The following DTNBP1 variants were observed in gnomAD, a reference collection of about 807,000 sequenced individuals.
The protein encoded by DTNBP1 is dysbindin.
In DTNBP1, 35 loss-of-function variants were observed where a neutral mutation model predicts 42.8. That is an observed-to-expected ratio of 0.82 (90% CI 0.63 to 1.09). The LOEUF is 1.09. Ranked by LOEUF, DTNBP1 falls within the 50% of genes least tolerant of loss-of-function variation. DTNBP1 has a pLI of 0.00. For missense variants in DTNBP1, 457 were observed against 424.2 expected (o/e 1.08, Z -0.68); for synonymous variants, 171 against 162.2 (o/e 1.05, Z -0.41).
chr6:15,563,926 T>C (rs769674352), intron 7 of DTNBP1, among the ~76,000 whole-genome samples: 7 of 151,974 alleles, frequency 4.6e-5, no homozygotes, highest in Non-Finnish European at 1.0e-4. Flanking sequence ...ATACAAAAAT[T>C]AGCCAGGTGT....
chr6:15,618,647 C>T (rs1266066868), intron 5 of DTNBP1, among the ~76,000 whole-genome samples: 1 of 151,978 alleles, frequency 6.6e-6, no homozygotes, highest in Admixed American at 6.5e-5. Flanking sequence ...AGTATAACCA[C>T]TATGGAAAAC....
intron 7 of DTNBP1, among the ~76,000 whole-genome samples, chr6:15,554,775 G>A (rs1359683506): frequency 1.3e-5 from 2 of 152,206 alleles, no homozygotes; most frequent in Non-Finnish European, 2.9e-5. Flanking sequence ...GCATTAGCAA[G>A]ATCCAAGGGT....
chr6:15,581,264 C>G (rs1382507436), intron 7 of DTNBP1, among the ~76,000 whole-genome samples: 2 of 152,210 alleles, frequency 1.3e-5, no homozygotes, highest in Non-Finnish European at 2.9e-5. Context: ...TCTGCAACCT[C>G]TGCCACCCAG....
intron 6 of DTNBP1, among the ~76,000 whole-genome samples, chr6:15,595,805 A>C (rs917433097): frequency 1.2e-4 from 18 of 152,220 alleles, no homozygotes; most frequent in African/African-American, 4.3e-4. Context: ...GAACAGCAAT[A>C]CTTCAGCAAG....
chr6:15,612,737 A>G (rs2113692696), intron 6 of DTNBP1, among the ~76,000 whole-genome samples: 1 of 152,226 alleles, frequency 6.6e-6, no homozygotes, highest in Non-Finnish European at 1.5e-5. Flanking sequence ...GGGTCACATG[A>G]CCTGTACCCA....
intron 4 of DTNBP1, among the ~76,000 whole-genome samples, chr6:15,630,948 G>T (rs948721639): frequency 1.3e-5 from 2 of 152,048 alleles, no homozygotes; most frequent in Non-Finnish European, 2.9e-5. Context: ...AAACAACAAA[G>T]TTACCTTTGA....
intron 6 of DTNBP1, among the ~76,000 whole-genome samples, chr6:15,609,324 C>CT (rs1048507813): frequency 1.0e-3 from 145 of 145,276 alleles, no homozygotes; most frequent in East Asian, 1.4e-3. Context: ...TACAATTTTT[C>CT]TTTTTTTTTT....
intron 7 of DTNBP1, 188 bp from the exon 8 acceptor site, chr6:15,533,583 C>CCT: frequency 1.0e-6 from 1 of 972,390 alleles, no homozygotes; most frequent in Non-Finnish European, 1.6e-6. Flanking sequence ...CCTCCCCCTA[C>CCT]CTGGGCGGTC....
intron 6 of DTNBP1, among the ~76,000 whole-genome samples, chr6:15,605,402 CCTCATATGACTGCCAT>C (rs1757986174): frequency 6.6e-6 from 1 of 152,118 alleles, no homozygotes; most frequent in South Asian, 2.1e-4. Flanking sequence ...AGTCCTAGAT[CCTCATATGACTGCCAT>C]CTTACTCAAA....
At chr6:15,533,623 C>T (rs184461239) in intron 7 of DTNBP1, 7 of 691,804 alleles carry the variant, frequency 1.0e-5, no homozygotes, top group African/African-American at 5.2e-5. Context: ...CACACCTTTG[C>T]ATGTGCTGTT....
In DTNBP1 at chr6:15,579,543, C is replaced by T. The variant is rs535200330; in HGVS notation, c.511+13516G>A. On this transcript the variant is annotated intron_variant, in intron 7 of 9. Transcript: ENST00000344537. ...GATTTTGGCCAGGTACGGTGGCTGACGCCTGTAATTCCAGCACTTTGAAGG... is the reference window on the plus strand; with the variant it reads ...GATTTTGGCCAGGTACGGTGGCTGATGCCTGTAATTCCAGCACTTTGAAGG... Among the ~76,000 whole-genome samples the T allele has an allele frequency of 3.9e-5, 6 of 152,274 alleles. No homozygotes were observed. In the South Asian group the frequency reaches 6.2e-4, roughly 16 times the overall value.
chr6:15,599,379 C>T (rs978106569), intron 6 of DTNBP1, among the ~76,000 whole-genome samples: 9 of 152,138 alleles, frequency 5.9e-5, no homozygotes, highest in African/African-American at 1.9e-4. Context: ...GGATGGAAGG[C>T]CACACAGATA....
intron 4 of DTNBP1, among the ~76,000 whole-genome samples, chr6:15,629,196 CCACT>C (rs1759541313): frequency 6.6e-6 from 1 of 152,112 alleles, no homozygotes; most frequent in Admixed American, 6.5e-5. Context: ...CACTGACCAC[CCACT>C]ATTTGCTAAG....
At chr6:15,531,809 T>C (rs1358096819) in intron 8 of DTNBP1, among the ~76,000 whole-genome samples, 2 of 152,172 alleles carry the variant, frequency 1.3e-5, no homozygotes, top group Non-Finnish European at 2.9e-5. Flanking sequence ...AATTTTTGTA[T>C]TTTCAGTAGA....
At chr6:15,523,716 T>C in intron 9 of DTNBP1, 1 of 1,287,254 alleles carries the variant, frequency 7.8e-7, no homozygotes, top group Non-Finnish European at 1.0e-6. Flanking sequence ...TTCTAAATCT[T>C]CCCCTGACTC....
In DTNBP1 at chr6:15,653,808, T is replaced by C. The variant is rs140603624; in HGVS notation, c.57-1668A>G. 3.0e-3 allele frequency among the ~76,000 whole-genome samples: 458 copies of C among 152,342 alleles called. 2 individuals are homozygous for C. Among genetic ancestry groups the C allele is most frequent in the Non-Finnish European group, 3.7e-3 (253 of 68,022 alleles). On this transcript the variant is annotated intron_variant, in intron 1 of 9. Transcript: ENST00000344537. The stretch of plus-strand genomic sequence containing the variant: ...ACTACTGCTAGCCCCTACAAAGTCT[T>C]TGTAAAAACAGAAATAGCTGCTCCT...
At chr6:15,531,096 T>A (rs1051005555) in intron 8 of DTNBP1, among the ~76,000 whole-genome samples, 1 of 151,968 alleles carries the variant, frequency 6.6e-6, no homozygotes, top group Non-Finnish European at 1.5e-5. Context: ...CGTGCACACA[T>A]AGGGAGAAGG....
chr6:15,639,728 C>A (rs953179501), intron 3 of DTNBP1, among the ~76,000 whole-genome samples: 1 of 152,220 alleles, frequency 6.6e-6, no homozygotes, highest in Non-Finnish European at 1.5e-5. Context: ...ACTTTTGCAT[C>A]TTTGTTATCC....
intron 7 of DTNBP1, among the ~76,000 whole-genome samples, chr6:15,581,249 G>A (rs1303461561): frequency 6.6e-6 from 1 of 152,074 alleles, no homozygotes; most frequent in East Asian, 1.9e-4. Context: ...GCTCCATCTC[G>A]GCTCTCTGCA....
Sources: gnomAD v4.1 joint callset for allele counts (sites outside exome capture counted in the v4.1 genomes callset) on GRCh38, gnomAD v4.1.1 for gene constraint, MANE v1.5 for transcripts, NCBI Gene and HGNC (gene_info 2026-07-23, HGNC 2026-07-21) for gene names.